The following SLC39A14 variants were observed in gnomAD, a reference collection of about 807,000 sequenced individuals.
SLC39A14 encodes metal cation symporter ZIP14.
Under a neutral mutation model 45.5 loss-of-function variants are expected in SLC39A14, and 19 were observed. The observed-to-expected ratio is 0.42, with a 90% CI of 0.29 to 0.61. The LOEUF is 0.61. SLC39A14 is among the 20% of genes least tolerant of loss of function. The probability of loss-of-function intolerance (pLI) is 0.22; values close to 1 mark genes in which losing one functional copy is unlikely to be tolerated. For missense variants in SLC39A14, 447 were observed against 616.5 expected (o/e 0.73, Z 2.91); for synonymous variants, 264 against 251.3 (o/e 1.05, Z -0.48).
chr8:22,414,972 T>TGTG (rs1320419384), intron 5 of SLC39A14, 70 bp downstream of exon 5: 16 of 1,553,742 alleles, frequency 1.0e-5, no homozygotes, highest in Middle Eastern at 1.7e-4. Flanking sequence ...GTTGATGTAT[T>TGTG]GTGGTGGTGG....
Position 22,415,749 on chromosome 8 carries a change from C to G in SLC39A14, c.751-20C>G. 3 of 1,602,574 alleles carry G rather than the reference C, an allele frequency of 1.9e-6. No homozygotes were observed. The highest frequency in any genetic ancestry group is 1.3e-5 in the African/African-American group (1 of 74,184). ...GGTTTTGGTGAATGTCATGCTGATC[C>G]CTCCCTGTCACCCTTCCAGCATCAT... is the stretch of plus-strand genomic sequence containing the variant. On this transcript the variant is annotated intron_variant, in intron 5 of 8. Coordinates refer to ENST00000381237, the MANE Select transcript of SLC39A14 (RefSeq NM_001128431.4).
intron 1 of SLC39A14, among the ~76,000 whole-genome samples, chr8:22,395,412 G>A (rs1295634323): frequency 6.6e-6 from 1 of 152,180 alleles, no homozygotes; most frequent in Non-Finnish European, 1.5e-5. Context: ...CATTCACTGT[G>A]ATTATCTCAA....
Position 22,420,142 on chromosome 8 carries a change from A to T in SLC39A14, c.*444A>T, listed in dbSNP as rs747604232. 6.9e-5 allele frequency: 68 copies of T among 986,300 alleles called. No homozygotes were observed. The highest frequency in any genetic ancestry group is 8.2e-5 in the Non-Finnish European group (68 of 830,760). The allele number at this position is 986,300 out of a possible 1,614,324, so 61.1% of individuals were successfully genotyped here. On this transcript the variant is annotated 3_prime_UTR_variant, in exon 9 of 9. Transcript: ENST00000381237. ...CCATGACTCTAGCTGGGCACCTTGGACCTCCAGCTGGCCAATAGAAGAGAC... is the reference window on the plus strand; with the variant it reads ...CCATGACTCTAGCTGGGCACCTTGGTCCTCCAGCTGGCCAATAGAAGAGAC...
chr8:22,425,354 C>CA (rs1158491976), downstream of SLC39A14, among the ~76,000 whole-genome samples: 1 of 152,038 alleles, frequency 6.6e-6, no homozygotes, highest in East Asian at 1.9e-4. Flanking sequence ...AACTGAAATT[C>CA]AAAAAATGCT....
chr8:22,430,035 C>A lies in SLC39A14; in HGVS notation c.1333-3856C>A, dbSNP rs552115640. 7.2e-5 allele frequency among the ~76,000 whole-genome samples: 11 copies of A among 152,312 alleles called. No homozygotes were observed. In the South Asian group the frequency reaches 1.9e-3, roughly 26 times the overall value. The stretch of plus-strand genomic sequence containing the variant: ...GGCCAGTATGTGTAAACAGCAGAAA[C>A]AAGGCCAGTCTGTCTGGACTGCAGC... On this transcript the variant is annotated intron_variant, in intron 8 of 8. Transcript: ENST00000240095.
downstream of SLC39A14, among the ~76,000 whole-genome samples, chr8:22,424,633 T>G (rs1836351860): frequency 6.6e-6 from 1 of 152,142 alleles, no homozygotes; most frequent in African/African-American, 2.4e-5. Context: ...GGACTTGCAT[T>G]GTAATTGCTG....
At chr8:22,375,009 G>A (rs1424545756) in intron 1 of SLC39A14, among the ~76,000 whole-genome samples, 3 of 151,760 alleles carry the variant, frequency 2.0e-5, no homozygotes, top group Non-Finnish European at 4.4e-5. Flanking sequence ...GCCTCCCAGA[G>A]TGCTGGGATT....
intron 1 of SLC39A14, among the ~76,000 whole-genome samples, chr8:22,374,096 T>A (rs1198512181): frequency 6.6e-6 from 1 of 152,198 alleles, no homozygotes; most frequent in Non-Finnish European, 1.5e-5. Flanking sequence ...AAATAAATCA[T>A]AATCATTTAA....
intron 3 of SLC39A14, chr8:22,409,852 A>G: frequency 7.5e-7 from 1 of 1,330,012 alleles, no homozygotes; most frequent in Non-Finnish European, 1.1e-6. Context: ...AGTCTGCCCC[A>G]TCACACCTGA....
chr8:22,378,761 A>G (rs1187656559), intron 1 of SLC39A14, among the ~76,000 whole-genome samples: 3 of 152,296 alleles, frequency 2.0e-5, no homozygotes, highest in African/African-American at 7.2e-5. Context: ...TGATCCCAGG[A>G]GTGACGTCTC....
At chr8:22,384,017 T>C (rs1335158714) in intron 1 of SLC39A14, among the ~76,000 whole-genome samples, 2 of 152,110 alleles carry the variant, frequency 1.3e-5, no homozygotes, top group African/African-American at 4.8e-5. Flanking sequence ...CAGTTCCTGT[T>C]CCCAGCTCCT....
chr8:22,376,772 G>A (rs950955062), intron 1 of SLC39A14, among the ~76,000 whole-genome samples: 8 of 152,038 alleles, frequency 5.3e-5, no homozygotes, highest in African/African-American at 1.9e-4. Flanking sequence ...CAGCTACTCG[G>A]GAGGCTGAGA....
chr8:22,422,528 C>T lies in SLC39A14; in HGVS notation c.*2830C>T, dbSNP rs1294424145. On this transcript the variant is annotated 3_prime_UTR_variant, in exon 9 of 9. Transcript: ENST00000381237. Reference sequence around the variant, plus strand: ...CAAGAGAGGTTAGGATTTTATTGTTCTTATTTCCCTTTACAGTTCTGCAGT... The same window carrying T: ...CAAGAGAGGTTAGGATTTTATTGTTTTTATTTCCCTTTACAGTTCTGCAGT... 1 of 985,568 alleles carries T rather than the reference C, an allele frequency of 1.0e-6. No individual in the cohort carries two copies. Among genetic ancestry groups the T allele is most frequent in the African/African-American group, 1.7e-5 (1 of 57,334 alleles). The allele number at this position is 985,568 out of a possible 1,614,324, so 61.1% of individuals were successfully genotyped here. A position where few individuals can be genotyped will look rare whatever the true frequency, so the allele number is the denominator to read the frequency against.
intron 1 of SLC39A14, among the ~76,000 whole-genome samples, chr8:22,375,638 C>T (rs1201715717): frequency 6.6e-6 from 1 of 151,968 alleles, no homozygotes; most frequent in African/African-American, 2.4e-5. Context: ...TACAGGCATG[C>T]ACCACCATGC....
downstream of SLC39A14, among the ~76,000 whole-genome samples, chr8:22,424,741 A>G (rs1243555925): frequency 6.6e-6 from 1 of 152,022 alleles, no homozygotes; most frequent in Non-Finnish European, 1.5e-5. Flanking sequence ...GAAAAAACTA[A>G]ATGAGCCAGG....
At chr8:22,410,931 A>G (rs182482033) in intron 3 of SLC39A14, among the ~76,000 whole-genome samples, 6 of 152,306 alleles carry the variant, frequency 3.9e-5, no homozygotes, top group African/African-American at 1.4e-4. Flanking sequence ...CCCTTCACAA[A>G]GATCCCATGT....
chr8:22,397,224 C>T (rs1211741683), intron 1 of SLC39A14, among the ~76,000 whole-genome samples: 4 of 152,202 alleles, frequency 2.6e-5, no homozygotes, highest in African/African-American at 9.7e-5. Context: ...GGCAGCGCTT[C>T]CCAGGCCACT....
chr8:22,422,694 G>GT lies in SLC39A14; in HGVS notation c.*2997dup, dbSNP rs1836295973. The GT allele has an allele frequency of 2.0e-6, 2 of 985,216 alleles. No homozygotes were observed. Among genetic ancestry groups the GT allele is most frequent in the Non-Finnish European group, 2.4e-6 (2 of 829,766 alleles). The allele number at this position is 985,216 out of a possible 1,614,324, so 61.0% of individuals were successfully genotyped here. A position where few individuals can be genotyped will look rare whatever the true frequency, so the allele number is the denominator to read the frequency against. ...TCTGTAATTGTTGAGAATCCCACGG[G>GT]TGATCATTTGCAATAAATGTGGATG... On this transcript the variant is annotated 3_prime_UTR_variant, in exon 9 of 9. Coordinates refer to ENST00000381237, the MANE Select transcript of SLC39A14 (RefSeq NM_001128431.4).
chr8:22,425,502 C>G (rs887965214), downstream of SLC39A14, among the ~76,000 whole-genome samples: 4 of 150,218 alleles, frequency 2.7e-5, no homozygotes, highest in African/African-American at 9.8e-5. Context: ...CGTGGGAAAA[C>G]ATTGCATTCG....
Sources: allele counts gnomAD v4.1 joint callset (sites outside exome capture counted in the v4.1 genomes callset), GRCh38; gene constraint gnomAD v4.1.1; transcripts MANE v1.5; gene names NCBI Gene and HGNC (gene_info 2026-07-23, HGNC 2026-07-21).